Variants in TSFM observed in about 807,000 individuals in gnomAD.
TSFM encodes the protein Ts translation elongation factor, mitochondrial.
In TSFM, 29 loss-of-function variants were observed where a neutral mutation model predicts 33.4. The observed-to-expected ratio is 0.87, with a 90% CI of 0.65 to 1.18. The LOEUF (loss-of-function observed/expected upper bound fraction) is 1.18. Among genes scored for constraint, TSFM ranks in the 50% most tolerant of loss-of-function variants. The pLI is 0.00. For missense variants in TSFM, 394 were observed against 395.6 expected, an observed-to-expected ratio of 1.00 and a Z score of 0.04; for synonymous variants, 178 against 163.5, an observed-to-expected ratio of 1.09 and a Z score of -0.68.
Position 57,795,128 on chromosome 12 carries a change from T to G in TSFM, c.572-1049T>G, listed in dbSNP as rs571869528. 2.7e-5 allele frequency among the ~76,000 whole-genome samples: 4 copies of G among 145,840 alleles called. 1 individual carries two copies. In the South Asian group the frequency reaches 8.8e-4, roughly 32 times the overall value. ...AAATTTTTTTTTTTGAGATGGAGTT[T>G]TGCTCTTGTTGCCCAGGCTGGAGTG... On this transcript the variant is annotated intron_variant, in intron 5 of 5. Transcript: ENST00000652027.
chr12:57,793,292 A>G (rs112118162), intron 5 of TSFM, among the ~76,000 whole-genome samples: 95 of 152,148 alleles, frequency 6.2e-4, no homozygotes, highest in African/African-American at 2.1e-3. Context: ...CAGTGGCGCA[A>G]TCTCGGCTCA....
At chr12:57,792,856 T>C (rs1403996521) in intron 4 of TSFM, 130 bp from the exon 5 acceptor site, 25 of 790,586 alleles carry the variant, frequency 3.2e-5, no homozygotes, top group Non-Finnish European at 4.3e-5. Context: ...CTTCCCAAAG[T>C]GTTGGGATTA....
downstream of TSFM, chr12:57,797,591 TG>T: frequency 1.1e-6 from 1 of 930,006 alleles, no homozygotes; most frequent in Non-Finnish European, 1.3e-6. Context: ...CATTGTTTTT[TG>T]GTTCTCTTTC....
downstream of TSFM, among the ~76,000 whole-genome samples, chr12:57,798,465 C>T (rs1188603154): frequency 6.6e-6 from 1 of 152,008 alleles, no homozygotes; most frequent in Admixed American, 6.6e-5. Context: ...TATTTATATA[C>T]AAGTAAAGAT....
At position 57,797,294 on chromosome 12, in the gene TSFM, C is replaced by T; in HGVS notation, c.*711C>T. On this transcript the variant is annotated 3_prime_UTR_variant, in exon 6 of 6. Transcript: ENST00000652027. ...GAGCTCACTTAACATTGCCTCTTTA[C>T]TTCCCCAGTACTGAAACATTTCTTC... 1.0e-6 allele frequency: 1 copy of T among 985,420 alleles called. No individual in the cohort carries two copies. The highest frequency in any genetic ancestry group is 1.2e-6 in the Non-Finnish European group (1 of 829,940). 61.0% of individuals were successfully genotyped at this position (985,420 alleles called of 1,614,324 possible).
In TSFM at chr12:57,783,101, C is replaced by T. The variant is rs750177054; in HGVS notation, c.58-9C>T. The T allele has an allele frequency of 3.7e-6, 6 of 1,602,514 alleles. No individual in the cohort carries two copies. The highest frequency in any genetic ancestry group is 4.3e-6 in the Non-Finnish European group (5 of 1,176,164). On this transcript the variant is annotated splice_polypyrimidine_tract_variant and intron_variant, in intron 1 of 5. Transcript: ENST00000652027. The stretch of plus-strand genomic sequence containing the variant: ...TTCCTGCTCCTCATCCCTTTCTTAT[C>T]TCATCTAGGCTGGGTCTCTTCTGCG...
intron 5 of TSFM, among the ~76,000 whole-genome samples, chr12:57,794,042 G>A (rs1955699012): frequency 6.6e-6 from 1 of 152,110 alleles, no homozygotes; most frequent in Admixed American, 6.5e-5. Context: ...GAGCTTGCTG[G>A]GAATTTACTA....
At chr12:57,790,361 C>CCCGG (rs1955646944) in intron 4 of TSFM, among the ~76,000 whole-genome samples, 2 of 152,018 alleles carry the variant, frequency 1.3e-5, no homozygotes, top group Admixed American at 6.6e-5. Context: ...AACCACTGCG[C>CCCGG]CTGGCCAGGT....
chr12:57,800,634 C>T (rs1236845241), downstream of TSFM: 1 of 152,940 alleles, frequency 6.5e-6, no homozygotes, highest in African/African-American at 2.4e-5. Flanking sequence ...TTGAGACGGA[C>T]TCTCGCTCTG....
At chr12:57,798,929 T>C (rs570876865), downstream of TSFM, among the ~76,000 whole-genome samples, 10 of 152,336 alleles carry the variant, frequency 6.6e-5, no homozygotes, top group African/African-American at 2.4e-4. Context: ...AATTTATTCT[T>C]TTAACTCAAA....
rs887663754 is a variant in TSFM at position 57,797,342 on chromosome 12, A to G, written c.*759A>G. 3.0e-6 allele frequency: 3 copies of G among 985,442 alleles called. No homozygotes were observed. Among genetic ancestry groups the G allele is most frequent in the Non-Finnish European group, 3.6e-6 (3 of 829,926 alleles). 61.0% of individuals were successfully genotyped at this position (985,442 alleles called of 1,614,324 possible). A position where few individuals can be genotyped will look rare whatever the true frequency, so the allele number is the denominator to read the frequency against. Reference sequence around the variant, plus strand: ...TTCAAGTATAACATAAAATTACCGTAACAAGCAGACCCAGAATACTGAAAA... The same window carrying G: ...TTCAAGTATAACATAAAATTACCGTGACAAGCAGACCCAGAATACTGAAAA... On this transcript the variant is annotated 3_prime_UTR_variant, in exon 6 of 6. Coordinates refer to ENST00000652027, the MANE Select transcript of TSFM (RefSeq NM_005726.6).
Position 57,792,779 on chromosome 12 carries a change from A to G in TSFM, c.484-207A>G, listed in dbSNP as rs180880373. 5.2e-3 allele frequency among the ~76,000 whole-genome samples: 784 copies of G among 152,046 alleles called. 4 individuals carry two copies. Among genetic ancestry groups the G allele is most frequent in the Non-Finnish European group, 8.3e-3 (561 of 67,974 alleles). ...AACTAATTTTTGTATTTCGTTGGAG[A>G]CGGGGTTTCACCATGTTTGCCAGGC... On this transcript the variant is annotated intron_variant, in intron 4 of 5. Transcript: ENST00000652027.
At chr12:57,789,276 TA>T (rs1014743851) in intron 4 of TSFM, among the ~76,000 whole-genome samples, 3 of 151,856 alleles carry the variant, frequency 2.0e-5, no homozygotes, top group Non-Finnish European at 2.9e-5. Flanking sequence ...CATCACTGTT[TA>T]AAAAAAATCT....
chr12:57,789,705 A>T (rs1033158822), intron 4 of TSFM, among the ~76,000 whole-genome samples: 1 of 152,194 alleles, frequency 6.6e-6, no homozygotes, highest in Non-Finnish European at 1.5e-5. Flanking sequence ...CTACTGTTAG[A>T]AATAAATTTC....
chr12:57,788,727 T>C (rs537053575), intron 4 of TSFM, among the ~76,000 whole-genome samples: 78 of 152,326 alleles, frequency 5.1e-4, no homozygotes, highest in African/African-American at 1.7e-3. Flanking sequence ...CTCAAATTCC[T>C]GGGCTCAAGT....
chr12:57,782,847 G>C lies in TSFM; in HGVS notation c.46G>C (p.Gly16Arg). 6.3e-7 allele frequency: 1 copy of C among 1,594,654 alleles called. No individual in the cohort carries two copies. Residue 16 changes from glycine to arginine, a missense_variant, in exon 1 of 6, where the codon GGG becomes CGG. Transcript: ENST00000652027. The part of the protein sequence containing the change: ...SLRVFLVART[G>R]SYPAGSLLRQ... ...GCGCGTGTTTCTGGTCGCGCGGACC[G>C]GGAGCTACCCGGTGAGAAGTCCTGG...
intron 5 of TSFM, among the ~76,000 whole-genome samples, chr12:57,795,263 T>C (rs1323924779): frequency 6.6e-6 from 1 of 151,710 alleles, no homozygotes; most frequent in Non-Finnish European, 1.5e-5. Context: ...CATGCCTGGC[T>C]AATTTTTTGT....
At chr12:57,801,260 G>A (rs1955842750), downstream of TSFM, 1 of 1,503,954 alleles carries the variant, frequency 6.6e-7, no homozygotes, top group Non-Finnish European at 9.2e-7. Flanking sequence ...TCTTATAGGG[G>A]AGGGACATCT....
chr12:57,783,533 G>A (rs967157082), intron 2 of TSFM: 2 of 669,242 alleles, frequency 3.0e-6, no homozygotes, highest in African/African-American at 3.6e-5. Flanking sequence ...GGGTTTGTGT[G>A]AGCTTTGGAG....
Sources: allele counts gnomAD v4.1 joint callset (sites outside exome capture counted in the v4.1 genomes callset), GRCh38; gene constraint gnomAD v4.1.1; transcripts MANE v1.5; gene names NCBI Gene and HGNC (gene_info 2026-07-23, HGNC 2026-07-21).